Variants in SYK observed in about 807,000 individuals in gnomAD.
SYK encodes the protein tyrosine-protein kinase SYK.
Under a neutral mutation model 77.8 loss-of-function variants are expected in SYK, and 16 were observed. The ratio of observed to expected loss-of-function variants is 0.21; its 90% CI spans 0.14 to 0.31. The LOEUF (loss-of-function observed/expected upper bound fraction) is 0.31, where lower values mean the gene tolerates loss of function less well. Ranked by LOEUF, SYK falls within the 10% of genes least tolerant of loss-of-function variation. The pLI is 1.00. For missense variants in SYK, 529 were observed against 814.4 expected (o/e 0.65, Z 4.26); for synonymous variants, 312 against 308.7 (o/e 1.01, Z -0.11).
At chr9:90,843,458 G>T (rs1587850001) in intron 1 of SYK, among the ~76,000 whole-genome samples, 2 of 152,308 alleles carry the variant, frequency 1.3e-5, no homozygotes, top group South Asian at 4.1e-4. Flanking sequence ...AGGAGGAGCA[G>T]TTGGTTTGTT....
chr9:90,833,540 G>A (rs1825967717), intron 1 of SYK, among the ~76,000 whole-genome samples: 1 of 152,166 alleles, frequency 6.6e-6, no homozygotes, highest in East Asian at 1.9e-4. Flanking sequence ...CAGAAGAATG[G>A]GCTCTGGACA....
intron 1 of SYK, among the ~76,000 whole-genome samples, chr9:90,821,169 C>T (rs761121325): frequency 6.6e-6 from 1 of 152,174 alleles, no homozygotes; most frequent in Non-Finnish European, 1.5e-5. Context: ...CTAGGAGGTT[C>T]CAAACTTTCC....
intron 13 of SYK, among the ~76,000 whole-genome samples, chr9:90,892,261 T>C (rs906972892): frequency 6.6e-6 from 1 of 152,096 alleles, no homozygotes; most frequent in Non-Finnish European, 1.5e-5. Flanking sequence ...GAGGAGGGTG[T>C]AAAACCAGTG....
At chr9:90,877,431 G>T (rs990490973) in intron 9 of SYK, 140 bp from the exon 10 acceptor site, 3 of 851,530 alleles carry the variant, frequency 3.5e-6, no homozygotes, top group East Asian at 2.7e-5. Context: ...TCCATTACAG[G>T]CTTCTGAAGA....
intron 1 of SYK, among the ~76,000 whole-genome samples, chr9:90,839,463 G>T (rs1004822453): frequency 5.3e-5 from 8 of 152,110 alleles, no homozygotes; most frequent in Non-Finnish European, 8.8e-5. Context: ...CCTGGCGTGT[G>T]CCTGGAGGTT....
intron 1 of SYK, among the ~76,000 whole-genome samples, chr9:90,828,699 C>T (rs1365525319): frequency 6.6e-6 from 1 of 152,130 alleles, no homozygotes; most frequent in African/African-American, 2.4e-5. Flanking sequence ...GTGTGCGTTG[C>T]GTGTGCGTCC....
chr9:90,849,003 G>A (rs557711516), intron 3 of SYK, among the ~76,000 whole-genome samples: 15 of 152,310 alleles, frequency 9.8e-5, no homozygotes, highest in Admixed American at 2.0e-4. Context: ...CGTGCCTGGG[G>A]AGCAGGGCAC....
intron 7 of SYK, among the ~76,000 whole-genome samples, chr9:90,870,334 G>T (rs950142698): frequency 6.6e-6 from 1 of 152,148 alleles, no homozygotes; most frequent in African/African-American, 2.4e-5. Context: ...GAACTTTTCA[G>T]CTTTGCATTT....
At chr9:90,806,650 G>T (rs1161596716) in intron 1 of SYK, among the ~76,000 whole-genome samples, 2 of 152,206 alleles carry the variant, frequency 1.3e-5, no homozygotes, top group Non-Finnish European at 2.9e-5. Context: ...CATTTTACCT[G>T]TTGTAAATCC....
chr9:90,811,585 GA>G (rs1466060755), intron 1 of SYK, among the ~76,000 whole-genome samples: 1 of 152,136 alleles, frequency 6.6e-6, no homozygotes, highest in Non-Finnish European at 1.5e-5. Context: ...TTCTACTAGT[GA>G]AAAAGCAAGA....
At chr9:90,831,491 C>T (rs1371436635) in intron 1 of SYK, among the ~76,000 whole-genome samples, 1 of 152,190 alleles carries the variant, frequency 6.6e-6, no homozygotes, top group Admixed American at 6.5e-5. Context: ...ATAGAGATAA[C>T]TATTTTCCCA....
chr9:90,880,580 A>G (rs760177108), intron 11 of SYK, among the ~76,000 whole-genome samples: 8 of 152,218 alleles, frequency 5.3e-5, no homozygotes, highest in Non-Finnish European at 8.8e-5. Flanking sequence ...TACAGAAAAG[A>G]AGACAGCCTG....
At chr9:90,864,299 A>G (rs1190994379) in intron 4 of SYK, among the ~76,000 whole-genome samples, 2 of 152,210 alleles carry the variant, frequency 1.3e-5, no homozygotes, top group Non-Finnish European at 2.9e-5. Flanking sequence ...TTTTGGATAA[A>G]TAAATAAATA....
intron 3 of SYK, among the ~76,000 whole-genome samples, chr9:90,849,843 A>G (rs1826747867): frequency 6.6e-6 from 1 of 152,226 alleles, no homozygotes; most frequent in Non-Finnish European, 1.5e-5. Flanking sequence ...TCTGACTCTT[A>G]GAGTCATTGA....
At chr9:90,825,487 C>G (rs954855441) in intron 1 of SYK, among the ~76,000 whole-genome samples, 2 of 152,214 alleles carry the variant, frequency 1.3e-5, no homozygotes, top group African/African-American at 4.8e-5. Flanking sequence ...GAAACAGATA[C>G]AATTTCTGCC....
intron 6 of SYK, among the ~76,000 whole-genome samples, chr9:90,866,520 ATAT>A (rs1365171931): frequency 2.0e-5 from 3 of 152,206 alleles, no homozygotes; most frequent in African/African-American, 7.2e-5. Context: ...CTCTATCTTA[ATAT>A]TATAGGCTCG....
intron 1 of SYK, among the ~76,000 whole-genome samples, chr9:90,841,644 A>G (rs1340227089): frequency 7.1e-6 from 1 of 141,090 alleles, no homozygotes; most frequent in African/African-American, 2.7e-5. Context: ...GTAGTGTAGC[A>G]TGTGTTTAGT....
At chr9:90,842,755 GA>G (rs1826418659) in intron 1 of SYK, among the ~76,000 whole-genome samples, 2 of 68,302 alleles carry the variant, frequency 2.9e-5, no homozygotes, top group African/African-American at 6.4e-5. Flanking sequence ...GTGGTATGGA[GA>G]GAGTGTGTGT....
In SYK at chr9:90,835,054, T is replaced by G. The variant is rs140787482; in HGVS notation, c.-41-8804T>G. Among the ~76,000 whole-genome samples the G allele has an allele frequency of 7.2e-4, 110 of 152,204 alleles. 1 individual carries two copies. The highest frequency in any genetic ancestry group is 2.4e-3 in the African/African-American group (99 of 41,534). On this transcript the variant is annotated intron_variant, in intron 1 of 13. Transcript: ENST00000375754. ...AGAGGCCAGGGATGCTGCTCAATAG[T>G]CTGTACTAGATGAGACAGCCCCCGA...
Sources: allele counts gnomAD v4.1 joint callset (sites outside exome capture counted in the v4.1 genomes callset), GRCh38; gene constraint gnomAD v4.1.1; transcripts MANE v1.5; gene names NCBI Gene and HGNC (gene_info 2026-07-23, HGNC 2026-07-21).